NFIA: variants seen among roughly 807,000 people sequenced by gnomAD.
The protein encoded by NFIA is nuclear factor 1 A-type.
In NFIA, 8 loss-of-function variants were observed where a neutral mutation model predicts 62.8. The ratio of observed to expected loss-of-function variants is 0.13; its 90% CI spans 0.07 to 0.23. The LOEUF is 0.23. Among genes scored for constraint, NFIA ranks in the 10% least tolerant of loss-of-function variants. The pLI, the probability that NFIA is intolerant of heterozygous loss-of-function variation, is 1.00. For synonymous variants in NFIA, 235 were observed against 238.1 expected (o/e 0.99, Z 0.12); for missense variants, 410 against 642.1 (o/e 0.64, Z 3.91).
chr1:61,213,992 A>T (rs1033850681), intron 2 of NFIA, among the ~76,000 whole-genome samples: 1 of 152,280 alleles, frequency 6.6e-6, no homozygotes, highest in Non-Finnish European at 1.5e-5. Context: ...GAACTGTGTG[A>T]CTTAAAAGCT....
chr1:61,351,584 A>G (rs148452624), intron 4 of NFIA, among the ~76,000 whole-genome samples: 40 of 152,358 alleles, frequency 2.6e-4, no homozygotes, highest in Non-Finnish European at 5.0e-4. Flanking sequence ...TAGAATTGGT[A>G]CTTGTTATTT....
At chr1:61,122,984 A>G (rs1646912169) in intron 2 of NFIA, among the ~76,000 whole-genome samples, 2 of 152,152 alleles carry the variant, frequency 1.3e-5, no homozygotes, top group African/African-American at 4.8e-5. Context: ...AGAAATGGAG[A>G]GTTCTACTTT....
At chr1:61,279,319 G>T (rs1657996055) in intron 3 of NFIA, among the ~76,000 whole-genome samples, 1 of 151,794 alleles carries the variant, frequency 6.6e-6, no homozygotes, top group South Asian at 2.1e-4. Context: ...ATTAAATATG[G>T]ACTGCCTGGC....
At chr1:61,286,450 T>C (rs1490836508) in intron 3 of NFIA, among the ~76,000 whole-genome samples, 1 of 140,630 alleles carries the variant, frequency 7.1e-6, no homozygotes. Flanking sequence ...AAAAATAGAA[T>C]TGCTGGATAT....
chr1:61,219,713 CAA>C (rs749092216), intron 2 of NFIA, among the ~76,000 whole-genome samples: 5 of 107,794 alleles, frequency 4.6e-5, no homozygotes, highest in Non-Finnish European at 7.2e-5. Flanking sequence ...GACTCCGTCT[CAA>C]AAAAAAAAAA....
At chr1:61,168,402 T>C (rs1018383666) in intron 2 of NFIA, among the ~76,000 whole-genome samples, 1 of 152,214 alleles carries the variant, frequency 6.6e-6, no homozygotes, top group African/African-American at 2.4e-5. Flanking sequence ...GAAAAAGTTA[T>C]AGTTTTTGAA....
At chr1:61,406,510 CTCTT>C in intron 8 of NFIA, 48 bp from the exon 9 acceptor site, 2 of 1,482,048 alleles carry the variant, frequency 1.3e-6, no homozygotes, top group Non-Finnish European at 1.8e-6. Flanking sequence ...TGGTTGCTGT[CTCTT>C]TCTTCTTTTT....
chr1:61,416,669 AAG>A (rs1445336525), intron 9 of NFIA, among the ~76,000 whole-genome samples: 2 of 152,152 alleles, frequency 1.3e-5, no homozygotes, highest in African/African-American at 2.4e-5. Flanking sequence ...TGAAAAGAAA[AAG>A]AATTATTAAA....
Position 61,215,120 on chromosome 1 carries a change from C to T in NFIA, c.560-62400C>T, listed in dbSNP as rs141909993. ...TAAAACTGAAAAAAATAGTACCTAA[C>T]GGAAATTTTATCATTGCTTTAAAAT... On this transcript the variant is annotated intron_variant, in intron 2 of 10. Coordinates refer to ENST00000403491, the MANE Select transcript of NFIA (RefSeq NM_001134673.4). Among the ~76,000 whole-genome samples the T allele has an allele frequency of 1.4e-3, 219 of 152,134 alleles. 2 individuals are homozygous for T. Among genetic ancestry groups the T allele is most frequent in the Non-Finnish European group, 1.6e-3 (106 of 67,982 alleles).
At chr1:61,391,103 C>T (rs1410701974) in intron 7 of NFIA, among the ~76,000 whole-genome samples, 1 of 152,122 alleles carries the variant, frequency 6.6e-6, no homozygotes, top group African/African-American at 2.4e-5. Context: ...CTCTGACACC[C>T]AGGCTGGAGT....
rs989606895 is a variant in NFIA at position 61,120,359 on chromosome 1, A to C, written c.559+31679A>C. On this transcript the variant is annotated intron_variant, in intron 2 of 10. Transcript: ENST00000403491. ...GGCACTCCTCCAGAATGTAGAAGAA[A>C]CACATTTATCTAGGTGATTAGTATT... is the stretch of plus-strand genomic sequence containing the variant. Among the ~76,000 whole-genome samples, 12 of 152,346 alleles carry C rather than the reference A, an allele frequency of 7.9e-5. No individual in the cohort carries two copies. The South Asian group carries it at 2.5e-3, about 32-fold the overall frequency.
At chr1:61,269,420 G>C (rs1232682481) in intron 2 of NFIA, among the ~76,000 whole-genome samples, 1 of 152,122 alleles carries the variant, frequency 6.6e-6, no homozygotes, top group East Asian at 1.9e-4. Context: ...TCACCATTCT[G>C]ACATGAATCT....
chr1:61,352,777 ACACACACG>A (rs1036378805), intron 5 of NFIA, among the ~76,000 whole-genome samples: 21 of 145,812 alleles, frequency 1.4e-4, no homozygotes, highest in East Asian at 8.5e-4. Flanking sequence ...ACACACACAC[ACACACACG>A]CACACACACT....
At chr1:61,181,989 G>A (rs1650790917) in intron 2 of NFIA, among the ~76,000 whole-genome samples, 1 of 152,148 alleles carries the variant, frequency 6.6e-6, no homozygotes, top group Non-Finnish European at 1.5e-5. Context: ...GAATGCACTT[G>A]GGAAAATTAT....
chr1:61,175,555 T>C (rs1205627824), intron 2 of NFIA, among the ~76,000 whole-genome samples: 9 of 152,330 alleles, frequency 5.9e-5, no homozygotes, highest in African/African-American at 2.2e-4. Flanking sequence ...GAGTACCAAA[T>C]GGTATTTAGC....
In NFIA at chr1:61,320,808, G is replaced by A. The variant is rs139163493; in HGVS notation, c.626-11704G>A. On this transcript the variant is annotated intron_variant, in intron 3 of 10. Coordinates refer to ENST00000403491, the MANE Select transcript of NFIA (RefSeq NM_001134673.4). ...CCATTACGATTTTTTGCTGTTTAAC[G>A]TCCATGAACCAGGGTAGCCCTCAGG... is the stretch of plus-strand genomic sequence containing the variant. 3.0e-3 allele frequency among the ~76,000 whole-genome samples: 451 copies of A among 152,224 alleles called. 3 individuals are homozygous for A. Among genetic ancestry groups the A allele is most frequent in the African/African-American group, 0.01 (431 of 41,554 alleles).
intron 3 of NFIA, among the ~76,000 whole-genome samples, chr1:61,318,481 C>A (rs1660490254): frequency 6.6e-6 from 1 of 152,158 alleles, no homozygotes. Flanking sequence ...GAATTGAGAT[C>A]ACAAGCAATG....
At chr1:61,082,302 G>A (rs1438032731), upstream of NFIA, 5 of 272,646 alleles carry the variant, frequency 1.8e-5, no homozygotes, top group Admixed American at 2.4e-4. Context: ...GCCTGCGAGC[G>A]CGAGCGGCCG....
At chr1:61,429,391 C>A (rs531830770) in intron 10 of NFIA, among the ~76,000 whole-genome samples, 10 of 152,274 alleles carry the variant, frequency 6.6e-5, no homozygotes, top group Non-Finnish European at 1.3e-4. Flanking sequence ...GCACCCAGTT[C>A]TGTCTGACAG....
Sources: gnomAD v4.1 joint callset for allele counts (sites outside exome capture counted in the v4.1 genomes callset) on GRCh38, gnomAD v4.1.1 for gene constraint, MANE v1.5 for transcripts, NCBI Gene and HGNC (gene_info 2026-07-23, HGNC 2026-07-21) for gene names.